Variants in RNF128 observed in about 807,000 individuals in gnomAD.
The protein encoded by RNF128 is E3 ubiquitin-protein ligase RNF128.
A neutral mutation model predicts 26.2 loss-of-function variants in RNF128; 13 were observed. The ratio of observed to expected loss-of-function variants is 0.50; its 90% confidence interval spans 0.32 to 0.79. RNF128 has a LOEUF of 0.79. RNF128 is among the 30% of genes least tolerant of loss of function. The pLI is 0.03. For synonymous variants in RNF128, 149 were observed against 142.5 expected, an observed-to-expected ratio of 1.05 and a Z score of -0.32; for missense variants, 315 against 349.7, an observed-to-expected ratio of 0.90 and a Z score of 0.79.
chrX:106,755,933 A>C (rs958321942), intron 1 of RNF128, among the ~76,000 whole-genome samples: 1 of 111,196 alleles, frequency 9.0e-6, no homozygotes, highest in Non-Finnish European at 1.9e-5. Flanking sequence ...CATTCTTAAT[A>C]CACCAACAAC....
chrX:106,718,519 C>A (rs1042664706), intron 1 of RNF128, among the ~76,000 whole-genome samples: 1 of 109,959 alleles, frequency 9.1e-6, no homozygotes, highest in African/African-American at 3.3e-5. Context: ...AAAAAATGTA[C>A]CTCCCCCCAC....
chrX:106,789,111 C>G (rs1201263639), intron 4 of RNF128, among the ~76,000 whole-genome samples: 28 of 82,546 alleles, frequency 3.4e-4, no homozygotes, highest in Non-Finnish European at 5.2e-4. Context: ...ATACTATATA[C>G]TATATATACT....
At chrX:106,766,584 G>A (rs1233371389) in intron 1 of RNF128, among the ~76,000 whole-genome samples, 7 of 111,946 alleles carry the variant, frequency 6.3e-5, no homozygotes, top group Non-Finnish European at 7.5e-5. Flanking sequence ...TTGTAAATTT[G>A]TTCAAGTTCA....
intron 1 of RNF128, among the ~76,000 whole-genome samples, chrX:106,742,897 A>C (rs1183024026): frequency 9.0e-6 from 1 of 111,403 alleles, no homozygotes; most frequent in Non-Finnish European, 1.9e-5. Flanking sequence ...GTGTGTGTAC[A>C]TATTGATATA....
At chrX:106,770,894 C>T (rs1335464362) in intron 1 of RNF128, among the ~76,000 whole-genome samples, 3 of 111,753 alleles carry the variant, frequency 2.7e-5, no homozygotes, top group African/African-American at 9.8e-5. Context: ...GTTTTATCTA[C>T]CTCTGGTCTT....
chrX:106,728,151 G>A (rs997834120), intron 1 of RNF128, among the ~76,000 whole-genome samples: 1 of 111,523 alleles, frequency 9.0e-6, no homozygotes, highest in South Asian at 3.8e-4. Context: ...ATTTTTCCCC[G>A]TCGGTTATCC....
intron 1 of RNF128, among the ~76,000 whole-genome samples, chrX:106,747,820 G>A (rs1045120059): frequency 1.8e-5 from 2 of 112,013 alleles, no homozygotes; most frequent in African/African-American, 6.5e-5. Flanking sequence ...CATAATAGTA[G>A]ATATATACAA....
intron 1 of RNF128, among the ~76,000 whole-genome samples, chrX:106,734,751 C>T (rs1015465434): frequency 8.9e-6 from 1 of 112,089 alleles, no homozygotes; most frequent in Non-Finnish European, 1.9e-5. Flanking sequence ...GAGCACCTCA[C>T]GCTCCAATAT....
intron 1 of RNF128, among the ~76,000 whole-genome samples, chrX:106,699,458 A>G (rs1323907084): frequency 2.7e-5 from 3 of 111,005 alleles, no homozygotes; most frequent in African/African-American, 9.8e-5. Context: ...AAATATAACC[A>G]TGTCTATCTA....
intron 1 of RNF128, among the ~76,000 whole-genome samples, chrX:106,710,539 C>T: frequency 9.0e-6 from 1 of 110,925 alleles, no homozygotes; most frequent in South Asian, 3.8e-4. Context: ...GGGCAGATCA[C>T]TTGAGGTCAG....
At position 106,774,274 on chromosome X, in the gene RNF128, C is replaced by T. The variant is rs373134490; in HGVS notation, c.732+1114C>T. On this transcript the variant is annotated intron_variant, in intron 2 of 6. Transcript: ENST00000255499. ...AATCAATAATACTTCCACATCTTCT[C>T]ATCTATCTTCATCTGCGTCTATCCT... is the stretch of plus-strand genomic sequence containing the variant. Among the ~76,000 whole-genome samples the T allele has an allele frequency of 6.2e-5, 7 of 112,186 alleles. No individual in the cohort carries two copies. In the East Asian group the frequency reaches 1.7e-3, roughly 27 times the overall value.
upstream of RNF128, chrX:106,726,690 A>ACGCGGCAGC: frequency 9.8e-7 from 1 of 1,019,779 alleles, no homozygotes. Context: ...CCAGAGCCCG[A>ACGCGGCAGC]CGCGGCAGCC....
chrX:106,763,494 G>A (rs1424861026), intron 1 of RNF128, among the ~76,000 whole-genome samples: 2 of 112,353 alleles, frequency 1.8e-5, no homozygotes, highest in African/African-American at 3.2e-5. Context: ...TACATGATTA[G>A]GAAGCCAATT....
chrX:106,700,672 C>A (rs192414694), intron 1 of RNF128, among the ~76,000 whole-genome samples: 293 of 111,894 alleles, frequency 2.6e-3, no homozygotes, highest in African/African-American at 9.2e-3. Context: ...CCAATTCCAG[C>A]ACCTTTTCAA....
At chrX:106,792,502 C>T (rs1260708631) in intron 6 of RNF128, among the ~76,000 whole-genome samples, 1 of 110,993 alleles carries the variant, frequency 9.0e-6, no homozygotes, top group African/African-American at 3.3e-5. Context: ...CGCCCCAAAC[C>T]AGAAACTAGG....
intron 1 of RNF128, among the ~76,000 whole-genome samples, chrX:106,720,851 T>C (rs928476277): frequency 1.8e-5 from 2 of 111,746 alleles, no homozygotes; most frequent in African/African-American, 6.5e-5. Flanking sequence ...AACATTAATA[T>C]ATGTAAAGTA....
At chrX:106,723,716 A>C (rs1929352249), upstream of RNF128, among the ~76,000 whole-genome samples, 1 of 110,930 alleles carries the variant, frequency 9.0e-6, no homozygotes, top group African/African-American at 3.3e-5. Context: ...AGTTCCCTGA[A>C]TGTTCTTTGG....
At chrX:106,794,713 A>G (rs964966091) in intron 6 of RNF128, among the ~76,000 whole-genome samples, 1 of 111,083 alleles carries the variant, frequency 9.0e-6, no homozygotes, top group Non-Finnish European at 1.9e-5. Flanking sequence ...TCACAAATAT[A>G]CACATACATA....
chrX:106,766,566 A>AT (rs1437035179), intron 1 of RNF128, among the ~76,000 whole-genome samples: 2 of 110,964 alleles, frequency 1.8e-5, no homozygotes, highest in South Asian at 7.6e-4. Context: ...GGGTTGTTTG[A>AT]TTTTTTCTTG....
Sources: allele counts gnomAD v4.1 joint callset (sites outside exome capture counted in the v4.1 genomes callset), GRCh38; gene constraint gnomAD v4.1.1; transcripts MANE v1.5; gene names NCBI Gene and HGNC (gene_info 2026-07-23, HGNC 2026-07-21).